The following NRG3 variants were observed in gnomAD, a reference collection of about 807,000 sequenced individuals.
NRG3 encodes pro-neuregulin-3, membrane-bound isoform.
Under a neutral mutation model 66.9 loss-of-function variants are expected in NRG3, and 31 were observed. The observed-to-expected ratio is 0.46, with a 90% CI of 0.35 to 0.63. The LOEUF (loss-of-function observed/expected upper bound fraction) is 0.63. Among genes scored for constraint, NRG3 ranks in the 20% least tolerant of loss-of-function variants. The probability of loss-of-function intolerance (pLI) is 0.00; values close to 1 mark genes in which losing one functional copy is unlikely to be tolerated. For missense variants in NRG3, 910 were observed against 878.9 expected (o/e 1.04, Z -0.45); for synonymous variants, 393 against 359.4 (o/e 1.09, Z -1.06).
chr10:82,522,944 A>G (rs1054442654), intron 2 of NRG3, among the ~76,000 whole-genome samples: 7 of 152,170 alleles, frequency 4.6e-5, no homozygotes, highest in African/African-American at 1.7e-4. Flanking sequence ...TGTCATCCCC[A>G]GACATAATAA....
chr10:82,985,556 A>G lies in NRG3; in HGVS notation c.2042A>G (p.Gln681Arg). 2 of 1,613,832 alleles carry G rather than the reference A, an allele frequency of 1.2e-6. No individual in the cohort carries two copies. The highest frequency in any genetic ancestry group is 1.7e-6 in the Non-Finnish European group (2 of 1,179,988). ...SPTAKSEREAQFVLRNEIQRD... is the reference protein window; with the variant it reads ...SPTAKSEREARFVLRNEIQRD... ...ACAGCCAAATCAGAACGAGAGGCGC[A>G]ATTTGTCTTAAGAAATGAAATACAA... Residue 681 changes from glutamine to arginine, a missense_variant, in exon 9 of 9, where the codon CAA becomes CGA. Coordinates refer to ENST00000372141, the MANE Select transcript of NRG3 (RefSeq NM_001010848.4).
chr10:81,973,800 G>C (rs1012373070), intron 1 of NRG3, among the ~76,000 whole-genome samples: 1 of 152,126 alleles, frequency 6.6e-6, no homozygotes, highest in African/African-American at 2.4e-5. Flanking sequence ...ACAGATGCTA[G>C]ATATTAGACC....
rs185347524 is a variant in NRG3, at chr10:81,985,754, G to C, written c.823+109591G>C. On this transcript the variant is annotated intron_variant, in intron 1 of 8. Coordinates refer to ENST00000372141, the MANE Select transcript of NRG3 (RefSeq NM_001010848.4). ...TCAATGCTTCTCTTTATCCTCCATT[G>C]TGTCATATAGCATGAATCACCCACA... 2.1e-3 allele frequency among the ~76,000 whole-genome samples: 327 copies of C among 152,312 alleles called. 1 individual carries two copies. Among genetic ancestry groups the C allele is most frequent in the Middle Eastern group, 0.01 (3 of 294 alleles).
chr10:81,880,182 G>A (rs2132464024), intron 1 of NRG3, among the ~76,000 whole-genome samples: 1 of 152,144 alleles, frequency 6.6e-6, no homozygotes, highest in East Asian at 1.9e-4. Flanking sequence ...AAAAAAAGAG[G>A]GCAGGGGTGG....
chr10:82,344,721 A>G (rs2082892055), intron 1 of NRG3, among the ~76,000 whole-genome samples: 1 of 122,638 alleles, frequency 8.2e-6, no homozygotes, highest in Admixed American at 7.8e-5. Flanking sequence ...CCTCTCCAGC[A>G]CCTGTTGTTT....
intron 2 of NRG3, among the ~76,000 whole-genome samples, chr10:82,519,773 G>T (rs897697391): frequency 3.9e-5 from 6 of 152,224 alleles, no homozygotes; most frequent in Middle Eastern, 3.4e-3. Flanking sequence ...AGGTCCATGG[G>T]GGAGAAAGAT....
chr10:82,986,487 T>TA lies in NRG3; in HGVS notation c.*886dup, dbSNP rs1459749025. The stretch of plus-strand genomic sequence containing the variant: ...GCATGTGTGCGCGTATTACGCTTGC[T>TA]AAAATTTGTTCTGAAACATCAGGGA... On this transcript the variant is annotated 3_prime_UTR_variant, in exon 9 of 9. Transcript: ENST00000372141. 1.3e-5 allele frequency: 2 copies of TA among 152,240 alleles called. No individual in the cohort carries two copies. Among genetic ancestry groups the TA allele is most frequent in the African/African-American group, 4.8e-5 (2 of 41,466 alleles). 9.4% of individuals were successfully genotyped at this position (152,240 alleles called of 1,614,324 possible). A position where few individuals can be genotyped will look rare whatever the true frequency, so the allele number is the denominator to read the frequency against.
chr10:82,390,457 A>G (rs1004163244), intron 2 of NRG3, among the ~76,000 whole-genome samples: 4 of 152,106 alleles, frequency 2.6e-5, no homozygotes, highest in Non-Finnish European at 5.9e-5. Context: ...AGGAAGAAGT[A>G]TATTCTTTAC....
intron 1 of NRG3, among the ~76,000 whole-genome samples, chr10:82,132,494 TATATATATATC>T (rs1310361404): frequency 5.2e-4 from 23 of 44,382 alleles, no homozygotes; most frequent in East Asian, 2.3e-3. Flanking sequence ...ATATATATGA[TATATATATATC>T]ATATATATAT....
intron 2 of NRG3, among the ~76,000 whole-genome samples, chr10:82,599,229 T>A (rs1252207630): frequency 1.3e-5 from 2 of 152,188 alleles, no homozygotes; most frequent in Non-Finnish European, 2.9e-5. Flanking sequence ...AAAGTGAATA[T>A]GTGGGCTTCA....
In NRG3 at chr10:82,979,031, C is replaced by G. The variant is rs1174143531; in HGVS notation, c.1494C>G (p.Pro498=). ...CCTTCAGAAGGACACCCCCGTCACC[C>G]CGAAGTAGGCTAGGTGGAATTGTGG... The part of the protein sequence containing the change: ...RNAFRRTPPS[P]RSRLGGIVGP... Residue 498 remains proline (P), a synonymous_variant, in exon 8 of 9, where the codon CCC becomes CCG. Transcript: ENST00000372141. 2.5e-6 allele frequency: 4 copies of G among 1,614,116 alleles called. No individual in the cohort carries two copies. The Admixed American group carries it at 6.7e-5, about 27-fold the overall frequency.
intron 1 of NRG3, among the ~76,000 whole-genome samples, chr10:82,053,924 G>T (rs554293769): frequency 6.6e-6 from 1 of 152,180 alleles, no homozygotes; most frequent in East Asian, 1.9e-4. Context: ...AAGCTGCAGC[G>T]CAGCAAATGG....
intron 2 of NRG3, among the ~76,000 whole-genome samples, chr10:82,442,000 G>A (rs2090455846): frequency 1.3e-5 from 2 of 152,182 alleles, no homozygotes; most frequent in African/African-American, 2.4e-5. Context: ...GTAGGCAAAT[G>A]ACTCACTTCC....
chr10:82,744,686 G>A (rs926693135), intron 3 of NRG3, among the ~76,000 whole-genome samples: 7 of 152,140 alleles, frequency 4.6e-5, no homozygotes, highest in African/African-American at 1.7e-4. Context: ...GCAAGATATT[G>A]AAATGTTTTC....
intron 2 of NRG3, among the ~76,000 whole-genome samples, chr10:82,731,046 T>A (rs1045079600): frequency 1.3e-5 from 2 of 152,072 alleles, no homozygotes; most frequent in Non-Finnish European, 2.9e-5. Flanking sequence ...TTTTGGCTTT[T>A]AAATCGAGGG....
intron 1 of NRG3, among the ~76,000 whole-genome samples, chr10:81,920,970 T>C (rs1183964730): frequency 6.6e-6 from 1 of 152,168 alleles, no homozygotes; most frequent in African/African-American, 2.4e-5. Flanking sequence ...CTTATATTCA[T>C]AATAACATTT....
At chr10:81,930,487 T>G (rs144121163) in intron 1 of NRG3, among the ~76,000 whole-genome samples, 224 of 146,464 alleles carry the variant, frequency 1.5e-3, no homozygotes, top group African/African-American at 5.4e-3. Context: ...TCTTGTAGAA[T>G]AAGGGCTTGT....
chr10:82,300,250 T>G lies in NRG3; in HGVS notation c.824-58489T>G, dbSNP rs998842782. 2.0e-5 allele frequency among the ~76,000 whole-genome samples: 3 copies of G among 151,232 alleles called. No homozygotes were observed. The South Asian group carries it at 6.2e-4, about 31-fold the overall frequency. Reference sequence around the variant, plus strand: ...CCTGAATTTGTCTTATTATAGCAAATAAAATATAAAATATGTTTGAGGAGT... The same window carrying G: ...CCTGAATTTGTCTTATTATAGCAAAGAAAATATAAAATATGTTTGAGGAGT... On this transcript the variant is annotated intron_variant, in intron 1 of 8. Transcript: ENST00000372141.
intron 2 of NRG3, among the ~76,000 whole-genome samples, chr10:82,682,399 A>AGATAGATG (rs1289581901): frequency 2.6e-5 from 1 of 38,544 alleles, no homozygotes; most frequent in Admixed American, 2.8e-4. Context: ...GTAGATAGAC[A>AGATAGATG]GATAGATAGA....
Sources: gnomAD v4.1 joint callset for allele counts (sites outside exome capture counted in the v4.1 genomes callset) on GRCh38, gnomAD v4.1.1 for gene constraint, MANE v1.5 for transcripts, NCBI Gene and HGNC (gene_info 2026-07-23, HGNC 2026-07-21) for gene names.